Variants in TUBB3 observed in about 807,000 individuals in gnomAD.
TUBB3 encodes the protein tubulin beta-3 chain.
Under a neutral mutation model 37.8 loss-of-function variants are expected in TUBB3, and 17 were observed. The observed-to-expected ratio is 0.45, with a 90% CI of 0.31 to 0.67. The LOEUF is 0.67. Among genes scored for constraint, TUBB3 ranks in the 30% least tolerant of loss-of-function variants. The pLI is 0.07. For missense variants in TUBB3, 262 were observed against 657.9 expected, an observed-to-expected ratio of 0.40 and a Z score of 6.58; for synonymous variants, 332 against 278.9, an observed-to-expected ratio of 1.19 and a Z score of -1.90.
At chr16:89,926,225 C>A (rs1009352511) in intron 1 of TUBB3, among the ~76,000 whole-genome samples, 1 of 152,130 alleles carries the variant, frequency 6.6e-6, no homozygotes, top group Non-Finnish European at 1.5e-5. Flanking sequence ...TTGTCCTCCG[C>A]GCGGGCTGCG....
At chr16:89,930,214 C>T (rs1165977240) in intron 1 of TUBB3, among the ~76,000 whole-genome samples, 5 of 148,420 alleles carry the variant, frequency 3.4e-5, no homozygotes, top group East Asian at 2.0e-4. Flanking sequence ...AAGCAATTCT[C>T]CTGCCTCAGC....
In TUBB3 at chr16:89,935,822, G is replaced by C. The variant is rs755244470; in HGVS notation, c.*18G>C. The C allele has an allele frequency of 6.2e-7, 1 of 1,608,432 alleles. No homozygotes were observed. Among genetic ancestry groups the C allele is most frequent in the South Asian group, 1.1e-5 (1 of 90,890 alleles). ...CCAAGTGAAGCTGCTCGCAGCTGGA[G>C]TGAGAGGCAGGTGGCGGCCGGGGCC... On this transcript the variant is annotated 3_prime_UTR_variant, in exon 4 of 4. Transcript: ENST00000315491.
chr16:89,923,125 C>T (rs1278397821), upstream of TUBB3, among the ~76,000 whole-genome samples: 4 of 152,064 alleles, frequency 2.6e-5, no homozygotes, highest in East Asian at 3.9e-4. Flanking sequence ...CTTTCGAATG[C>T]GCGGGGCCCT....
At position 89,936,024 on chromosome 16, in the gene TUBB3, C is replaced by T. The variant is rs1366866448; in HGVS notation, c.*220C>T. On this transcript the variant is annotated 3_prime_UTR_variant, in exon 4 of 4. Transcript: ENST00000315491. ...TTGCAGCTCCAGGCCTGACGTTTTACGGTTTTGTTTTTTACTGGTTTGTGT... is the reference window on the plus strand; with the variant it reads ...TTGCAGCTCCAGGCCTGACGTTTTATGGTTTTGTTTTTTACTGGTTTGTGT... 5 of 626,076 alleles carry T rather than the reference C, an allele frequency of 8.0e-6. No homozygotes were observed. The highest frequency in any genetic ancestry group is 2.0e-5 in the South Asian group (1 of 49,120). 38.8% of individuals were successfully genotyped at this position (626,076 alleles called of 1,614,324 possible).
At chr16:89,923,809 G>A (rs1413335999) in intron 1 of TUBB3, among the ~76,000 whole-genome samples, 12 of 152,166 alleles carry the variant, frequency 7.9e-5, no homozygotes, top group African/African-American at 2.9e-4. Flanking sequence ...TTGGGGCCGC[G>A]GCATAGCCTT....
In TUBB3 at chr16:89,935,054, C is replaced by T. The variant is rs2030406222; in HGVS notation, c.603C>T (p.Cys201=). 6.2e-7 allele frequency: 1 copy of T among 1,614,184 alleles called. No homozygotes were observed. The highest frequency in any genetic ancestry group is 1.1e-5 in the South Asian group (1 of 91,088). The stretch of plus-strand genomic sequence containing the variant: ...TGGAGAACACGGATGAGACCTACTG[C>T]ATCGACAACGAGGCGCTCTACGACA... ...QLVENTDETY[C]IDNEALYDIC... is the part of the protein sequence containing the mutation. Residue 201 remains cysteine, a synonymous_variant, in exon 4 of 4, where the codon TGC becomes TGT. Transcript: ENST00000315491.
At chr16:89,931,881 G>T (rs2030293377) in intron 1 of TUBB3, 2 of 409,714 alleles carry the variant, frequency 4.9e-6, no homozygotes, top group Non-Finnish European at 1.0e-5. Context: ...GTAGAGAGAG[G>T]ACGACCCCTG....
chr16:89,923,361 C>A lies in TUBB3; in HGVS notation c.-41C>A. On this transcript the variant is annotated 5_prime_UTR_variant, in exon 1 of 4. Coordinates refer to ENST00000315491, the MANE Select transcript of TUBB3 (RefSeq NM_006086.4). ...CCGACCCTCAGCAGCCAGCCCGGCCCGCCCGCGCCCGTCCGCAGCCGCCCG... is the reference window on the plus strand; with the variant it reads ...CCGACCCTCAGCAGCCAGCCCGGCCAGCCCGCGCCCGTCCGCAGCCGCCCG... The A allele has an allele frequency of 7.0e-7, 1 of 1,435,962 alleles. No homozygotes were observed. The highest frequency in any genetic ancestry group is 9.2e-7 in the Non-Finnish European group (1 of 1,088,648). 89.0% of individuals were successfully genotyped at this position (1,435,962 alleles called of 1,614,324 possible).
chr16:89,932,118 G>A (rs773576002), intron 1 of TUBB3: 6 of 299,772 alleles, frequency 2.0e-5, no homozygotes, highest in Admixed American at 8.9e-5. Context: ...AGCCAAAAGC[G>A]ATCCTGAGCT....
chr16:89,934,574 G>A, intron 3 of TUBB3, 155 bp from the exon 4 acceptor site: 3 of 750,802 alleles, frequency 4.0e-6, no homozygotes, highest in South Asian at 1.7e-5. Flanking sequence ...AAGCCACGGC[G>A]GGTATGAGAA....
chr16:89,933,176 C>T, intron 2 of TUBB3: 1 of 656,824 alleles, frequency 1.5e-6, no homozygotes, highest in East Asian at 3.1e-5. Context: ...GATCCACCTG[C>T]CTTGGCCTCC....
At position 89,935,842 on chromosome 16, in the gene TUBB3, G is replaced by A. The variant is rs1209779089; in HGVS notation, c.*38G>A. On this transcript the variant is annotated 3_prime_UTR_variant, in exon 4 of 4. Transcript: ENST00000315491. ...CTGGAGTGAGAGGCAGGTGGCGGCC[G>A]GGGCCGAAGCCAGCAGTGTCTAAAC... 28 of 1,591,042 alleles carry A rather than the reference G, an allele frequency of 1.8e-5. No individual in the cohort carries two copies. The Admixed American group carries it at 2.7e-4, about 15-fold the overall frequency.
At chr16:89,934,160 C>T (rs1042678127) in intron 3 of TUBB3, 10 of 331,346 alleles carry the variant, frequency 3.0e-5, no homozygotes, top group African/African-American at 5.7e-5. Context: ...GTGGATGCCA[C>T]GTTCCCATGC....
Position 89,934,208 on chromosome 16 carries a change from A to G in TUBB3, c.278-521A>G. Reference sequence around the variant, plus strand: ...GCGGGGCCGTGGATGCCACGTTCCCATGCCTGTGTCCTGGGGCGGGGCCGT... The same window carrying G: ...GCGGGGCCGTGGATGCCACGTTCCCGTGCCTGTGTCCTGGGGCGGGGCCGT... On this transcript the variant is annotated intron_variant, in intron 3 of 3. Coordinates refer to ENST00000315491, the MANE Select transcript of TUBB3 (RefSeq NM_006086.4). 7.9e-6 allele frequency: 3 copies of G among 381,906 alleles called. 1 individual carries two copies. The highest frequency in any genetic ancestry group is 1.9e-5 in the South Asian group (1 of 53,004). 23.7% of individuals were successfully genotyped at this position (381,906 alleles called of 1,614,324 possible).
At chr16:89,933,325 C>G in intron 2 of TUBB3, 143 bp from the exon 3 acceptor site, 3 of 805,832 alleles carry the variant, frequency 3.7e-6, no homozygotes, top group Non-Finnish European at 6.7e-6. Flanking sequence ...TGAAGCTTGC[C>G]TTTGGTCCAG....
At chr16:89,928,871 T>C (rs558618067) in intron 1 of TUBB3, among the ~76,000 whole-genome samples, 10 of 151,440 alleles carry the variant, frequency 6.6e-5, no homozygotes, top group Non-Finnish European at 1.3e-4. Flanking sequence ...ACCATGTTGG[T>C]CAGGCTGGTC....
chr16:89,923,379 G>T lies in TUBB3; in HGVS notation c.-23G>T, dbSNP rs2029955601. 2.1e-6 allele frequency: 3 copies of T among 1,459,754 alleles called. No individual in the cohort carries two copies. The highest frequency in any genetic ancestry group is 2.7e-6 in the Non-Finnish European group (3 of 1,102,260). 90.4% of individuals were successfully genotyped at this position (1,459,754 alleles called of 1,614,324 possible). The stretch of plus-strand genomic sequence containing the variant: ...CCCGGCCCGCCCGCGCCCGTCCGCA[G>T]CCGCCCGCCAGACGCGCCCAGTATG... On this transcript the variant is annotated 5_prime_UTR_variant, in exon 1 of 4. Coordinates refer to ENST00000315491, the MANE Select transcript of TUBB3 (RefSeq NM_006086.4).
At chr16:89,928,563 T>C (rs1233640824) in intron 1 of TUBB3, among the ~76,000 whole-genome samples, 3 of 150,652 alleles carry the variant, frequency 2.0e-5, no homozygotes, top group Non-Finnish European at 2.9e-5. Context: ...CTCTATCTGT[T>C]GCCCAGGCTG....
Position 89,934,719 on chromosome 16 carries a change from C to A in TUBB3, c.278-10C>A, listed in dbSNP as rs1369160544. On this transcript the variant is annotated splice_polypyrimidine_tract_variant and intron_variant, in intron 3 of 3. Coordinates refer to ENST00000315491, the MANE Select transcript of TUBB3 (RefSeq NM_006086.4). ...GGCCCCTGTCTCTTACCCCTCTTCT[C>A]CCTGTACAGGTCAGAGTGGGGCCGG... 6.2e-7 allele frequency: 1 copy of A among 1,613,714 alleles called. No homozygotes were observed. The highest frequency in any genetic ancestry group is 8.5e-7 in the Non-Finnish European group (1 of 1,179,670).
Sources: gnomAD v4.1 joint callset for allele counts (sites outside exome capture counted in the v4.1 genomes callset) on GRCh38, gnomAD v4.1.1 for gene constraint, MANE v1.5 for transcripts, NCBI Gene and HGNC (gene_info 2026-07-23, HGNC 2026-07-21) for gene names.